The following DNM2 variants were observed in gnomAD, a reference collection of about 807,000 sequenced individuals.
DNM2 encodes the protein dynamin 2.
A neutral mutation model predicts 99.0 loss-of-function variants in DNM2; 15 were observed. The observed-to-expected ratio is 0.15, with a 90% CI of 0.10 to 0.23. The LOEUF (loss-of-function observed/expected upper bound fraction) is 0.23, where lower values mean the gene tolerates loss of function less well. Ranked by LOEUF, DNM2 falls within the 10% of genes least tolerant of loss-of-function variation. The probability of loss-of-function intolerance (pLI) is 1.00; values close to 1 mark genes in which losing one functional copy is unlikely to be tolerated. For synonymous variants in DNM2, 525 were observed against 481.2 expected, an observed-to-expected ratio of 1.09 and a Z score of -1.19; for missense variants, 742 against 1,189.4, an observed-to-expected ratio of 0.62 and a Z score of 5.53.
At chr19:10,826,718 C>T (rs2073153796) in intron 18 of DNM2, among the ~76,000 whole-genome samples, 1 of 151,832 alleles carries the variant, frequency 6.6e-6, no homozygotes. Flanking sequence ...ATACCCCAGT[C>T]TCTACAAAAA....
At position 10,738,855 on chromosome 19, in the gene DNM2, AGCAAAAC is replaced by A. The variant is rs1205778172; in HGVS notation, c.161+20453_161+20459del. On this transcript the variant is annotated intron_variant, in intron 1 of 20. Transcript: ENST00000389253. The stretch of plus-strand genomic sequence containing the variant: ...GTTGCACTCCAGCCTGGGCAACAAG[AGCAAAAC>A]TCCATCGCAAAAAAAAAAAAAAAAG... 1.3e-4 allele frequency among the ~76,000 whole-genome samples: 17 copies of A among 130,324 alleles called. No individual in the cohort carries two copies. In the Admixed American group the frequency reaches 1.4e-3, roughly 10 times the overall value. The allele number at this position is 130,324 out of a possible 152,430, so 85.5% of individuals were successfully genotyped here. A position where few individuals can be genotyped will look rare whatever the true frequency, so the allele number is the denominator to read the frequency against.
At chr19:10,779,943 C>T (rs1170779799) in intron 5 of DNM2, among the ~76,000 whole-genome samples, 6 of 152,130 alleles carry the variant, frequency 3.9e-5, no homozygotes, top group African/African-American at 7.2e-5. Context: ...CATGAGCCAC[C>T]GTGCCCAGCC....
At chr19:10,741,945 C>T (rs1341345974) in intron 1 of DNM2, among the ~76,000 whole-genome samples, 1 of 150,972 alleles carries the variant, frequency 6.6e-6, no homozygotes, top group East Asian at 2.0e-4. Flanking sequence ...TTCTTTCCTT[C>T]CTTCCTTCCT....
rs982416348 is a variant in DNM2 at position 10,786,760 on chromosome 19, G to A, written c.992+54G>A. ...CCACCCTGGCCCCTGCCTTCCATCA[G>A]CCACAGGGCCCCCTAGGCTGGGCAC... On this transcript the variant is annotated intron_variant, in intron 7 of 20. Transcript: ENST00000389253. 5.0e-6 allele frequency: 8 copies of A among 1,610,860 alleles called. No individual in the cohort carries two copies. The African/African-American group carries it at 9.4e-5, about 19-fold the overall frequency.
intron 1 of DNM2, among the ~76,000 whole-genome samples, chr19:10,753,590 A>G (rs945712641): frequency 4.6e-5 from 7 of 151,856 alleles, no homozygotes; most frequent in Non-Finnish European, 7.4e-5. Context: ...CTGTTGCTGC[A>G]TAGCAGCATG....
Position 10,780,943 on chromosome 19 carries a change from A to G in DNM2, c.689-2017A>G, listed in dbSNP as rs112756758. On this transcript the variant is annotated intron_variant, in intron 5 of 20. Coordinates refer to ENST00000389253, the MANE Select transcript of DNM2 (RefSeq NM_001005361.3). ...TGAGACATGAGAATCGCTTGAACCC[A>G]GGAGGCAGAGGTTGTAGTGAGCTGA... is the stretch of plus-strand genomic sequence containing the variant. 2.9e-3 allele frequency among the ~76,000 whole-genome samples: 433 copies of G among 150,090 alleles called. 1 individual carries two copies. Among genetic ancestry groups the G allele is most frequent in the African/African-American group, 0.01 (417 of 40,930 alleles).
In DNM2 at chr19:10,729,182, A is replaced by AAT. The variant is rs1568265428; in HGVS notation, c.161+10780_161+10781insTA. The stretch of plus-strand genomic sequence containing the variant: ...TCCGTCTCAAAAAAAAAAAAAAAAA[A>AAT]AAAAAAAATATAAAAAATTAGCCAA... On this transcript the variant is annotated intron_variant, in intron 1 of 20. Coordinates refer to ENST00000389253, the MANE Select transcript of DNM2 (RefSeq NM_001005361.3). Among the ~76,000 whole-genome samples, 312 of 124,628 alleles carry AAT rather than the reference A, an allele frequency of 2.5e-3. 4 individuals carry two copies. The highest frequency in any genetic ancestry group is 4.5e-3 in the Non-Finnish European group (257 of 56,690). 81.8% of individuals were successfully genotyped at this position (124,628 alleles called of 152,430 possible).
rs1010999452 is a variant in DNM2, at chr19:10,729,187, A to T, written c.161+10784A>T. ...CTCAAAAAAAAAAAAAAAAAAAAAA[A>T]AAATATAAAAAATTAGCCAAGCATG... On this transcript the variant is annotated intron_variant, in intron 1 of 20. Transcript: ENST00000389253. Among the ~76,000 whole-genome samples, 461 of 147,828 alleles carry T rather than the reference A, an allele frequency of 3.1e-3. 7 individuals are homozygous for T. The highest frequency in any genetic ancestry group is 0.011 in the African/African-American group (443 of 39,640).
rs1011717858 is a variant in DNM2, at chr19:10,820,718, C to G, written c.1781+629C>G. On this transcript the variant is annotated intron_variant, in intron 16 of 20. Transcript: ENST00000389253. The surrounding 1 kb of genome is among the most constrained non-coding windows in gnomAD (Gnocchi z 4.3). Reference sequence around the variant, plus strand: ...AGGGAGAGGGTGCATCAGGGAGGCACCTGGGTAGATCGAGGAGTGTGATGT... The same window carrying G: ...AGGGAGAGGGTGCATCAGGGAGGCAGCTGGGTAGATCGAGGAGTGTGATGT... Among the ~76,000 whole-genome samples, 1 of 152,166 alleles carries G rather than the reference C, an allele frequency of 6.6e-6. No homozygotes were observed. The highest frequency in any genetic ancestry group is 2.4e-5 in the African/African-American group (1 of 41,438).
intron 1 of DNM2, among the ~76,000 whole-genome samples, chr19:10,752,764 TG>T (rs1402087310): frequency 6.6e-6 from 1 of 152,108 alleles, no homozygotes; most frequent in Non-Finnish European, 1.5e-5. Context: ...CATGGTTAAA[TG>T]GGTTAATAGG....
chr19:10,816,866 T>A lies in DNM2; in HGVS notation c.1672-3114T>A, dbSNP rs1469902776. On this transcript the variant is annotated intron_variant, in intron 15 of 20. Coordinates refer to ENST00000389253, the MANE Select transcript of DNM2 (RefSeq NM_001005361.3). The surrounding 1 kb of genome is among the most constrained non-coding windows in gnomAD (Gnocchi z 4.6). ...ACGTGAGGGGCCCTTCGTGTTTTTCTCATCTGAGAGTTGAAAGCCAGAGCC... is the reference window on the plus strand; with the variant it reads ...ACGTGAGGGGCCCTTCGTGTTTTTCACATCTGAGAGTTGAAAGCCAGAGCC... 6.6e-6 allele frequency among the ~76,000 whole-genome samples: 1 copy of A among 152,166 alleles called. No homozygotes were observed. The highest frequency in any genetic ancestry group is 1.5e-5 in the Non-Finnish European group (1 of 68,018).
chr19:10,759,488 C>T (rs1436646989), intron 1 of DNM2: 22 of 570,906 alleles, frequency 3.9e-5, no homozygotes, highest in South Asian at 1.2e-4. Flanking sequence ...CCTGGGAGTA[C>T]GGGGGGTGGG....
rs529001369 is a variant in DNM2, at chr19:10,772,415, C to T, written c.236-64C>T. ...TTTCATTCAACAAAGCATTTCTCCC[C>T]GCAGTCCATGCGCACCCTGCCCACA... is the stretch of plus-strand genomic sequence containing the variant. On this transcript the variant is annotated intron_variant, in intron 2 of 20. Coordinates refer to ENST00000389253, the MANE Select transcript of DNM2 (RefSeq NM_001005361.3). The surrounding 1 kb of genome is among the most constrained non-coding windows in gnomAD (Gnocchi z 4.9). The T allele has an allele frequency of 7.0e-5, 112 of 1,600,900 alleles. No homozygotes were observed. In the Middle Eastern group the frequency reaches 1.3e-3, roughly 19 times the overall value.
intron 1 of DNM2, among the ~76,000 whole-genome samples, chr19:10,722,622 C>A (rs933472874): frequency 2.0e-5 from 3 of 151,942 alleles, no homozygotes; most frequent in Non-Finnish European, 2.9e-5. Context: ...GGATTACAGG[C>A]GTGAGCCACC....
intron 1 of DNM2, among the ~76,000 whole-genome samples, chr19:10,729,507 G>T (rs1163593532): frequency 2.0e-5 from 3 of 152,248 alleles, no homozygotes; most frequent in Non-Finnish European, 4.4e-5. Flanking sequence ...AGGACTTGGG[G>T]GAACAGCATC....
intron 6 of DNM2, chr19:10,786,314 C>A: frequency 1.7e-6 from 1 of 588,528 alleles, no homozygotes; most frequent in Non-Finnish European, 3.1e-6. Context: ...GTGGATAGGC[C>A]CAGTGCCTGA....
rs571358017 is a variant in DNM2, at chr19:10,812,719, G to A, written c.1671+342G>A. On this transcript the variant is annotated intron_variant, in intron 15 of 20. Transcript: ENST00000389253. This position sits in a 1 kb window ranked among gnomAD's most constrained non-coding sequence, Gnocchi z 4.0. ...GGAGAATCGTTTGAACCCGGGAGGC[G>A]GAGGTTGCAGTGAGCCGAGATTGCG... 9.8e-5 allele frequency among the ~76,000 whole-genome samples: 15 copies of A among 152,296 alleles called. No individual in the cohort carries two copies. In the South Asian group the frequency reaches 1.4e-3, roughly 15 times the overall value.
chr19:10,730,101 C>T (rs1197524131), intron 1 of DNM2, among the ~76,000 whole-genome samples: 3 of 152,094 alleles, frequency 2.0e-5, no homozygotes, highest in Non-Finnish European at 4.4e-5. Flanking sequence ...TGGGCTCATG[C>T]GATCCTTTCA....
chr19:10,753,979 T>C (rs1308681906), intron 1 of DNM2, among the ~76,000 whole-genome samples: 3 of 152,186 alleles, frequency 2.0e-5, no homozygotes, highest in African/African-American at 7.2e-5. Flanking sequence ...TATAAGGTGA[T>C]TGAAAATATA....
Sources: allele counts gnomAD v4.1 joint callset (sites outside exome capture counted in the v4.1 genomes callset), GRCh38; gene constraint gnomAD v4.1.1; non-coding constraint Gnocchi (gnomAD v3.1); transcripts MANE v1.5; gene names NCBI Gene and HGNC (gene_info 2026-07-23, HGNC 2026-07-21).